ZMYND8: variants seen among roughly 807,000 people sequenced by gnomAD.
ZMYND8 encodes the protein zinc finger MYND-type containing 8.
Under a neutral mutation model 140.8 loss-of-function variants are expected in ZMYND8, and 37 were observed. That is an observed-to-expected ratio of 0.26 (90% confidence interval 0.20 to 0.35). The LOEUF is 0.35. Ranked by LOEUF, ZMYND8 falls within the 10% of genes least tolerant of loss-of-function variation. The pLI is 1.00. For synonymous variants in ZMYND8, 592 were observed against 597.1 expected (o/e 0.99, Z 0.12); for missense variants, 1,068 against 1,570.0 (o/e 0.68, Z 5.40).
chr20:47,288,596 G>A (rs1010789927), intron 7 of ZMYND8, among the ~76,000 whole-genome samples: 30 of 151,966 alleles, frequency 2.0e-4, no homozygotes, highest in Non-Finnish European at 4.0e-4. Flanking sequence ...GTTTCACCAT[G>A]TTGGCCAAGC....
intron 3 of ZMYND8, among the ~76,000 whole-genome samples, chr20:47,302,868 G>A (rs2148115430): frequency 6.6e-6 from 1 of 152,320 alleles, no homozygotes; most frequent in East Asian, 1.9e-4. Context: ...AAACCTGACA[G>A]AAGGGGACAG....
At chr20:47,343,677 A>G (rs1402566920) in intron 2 of ZMYND8, among the ~76,000 whole-genome samples, 2 of 152,132 alleles carry the variant, frequency 1.3e-5, no homozygotes, top group Non-Finnish European at 2.9e-5. Flanking sequence ...TGTTATTTTT[A>G]GTAGAGATGG....
At chr20:47,234,859 G>A (rs374496747) in intron 16 of ZMYND8, among the ~76,000 whole-genome samples, 1 of 152,130 alleles carries the variant, frequency 6.6e-6, no homozygotes, top group African/African-American at 2.4e-5. Context: ...TTAGAAACAG[G>A]CTGGGTGTGG....
intron 2 of ZMYND8, among the ~76,000 whole-genome samples, chr20:47,323,421 C>T (rs951306902): frequency 2.6e-5 from 4 of 151,834 alleles, no homozygotes; most frequent in African/African-American, 7.3e-5. Context: ...TTTTATTTTT[C>T]GTAGCGATGG....
Position 47,246,257 on chromosome 20 carries a change from C to A in ZMYND8, c.2035G>T (p.Asp679Tyr). 6.2e-7 allele frequency: 1 copy of A among 1,614,196 alleles called. No homozygotes were observed. Among genetic ancestry groups the A allele is most frequent in the Non-Finnish European group, 8.5e-7 (1 of 1,180,040 alleles). ...GCCTTGTCCTTGACTGCTCCAGGGTCTGCCTTCTCGCTGGCTGGTGACGTG... is the reference window on the plus strand; with the variant it reads ...GCCTTGTCCTTGACTGCTCCAGGGTATGCCTTCTCGCTGGCTGGTGACGTG... Reference protein sequence around the residue: ...KSTSPASEKADPGAVKDKASP... With the variant: ...KSTSPASEKAYPGAVKDKASP... Residue 679 changes from aspartate (D) to tyrosine (Y), a missense_variant, in exon 14 of 23, where the codon GAC becomes TAC. Around this residue, in one of 10 missense-constraint regions of ZMYND8, gnomAD observed 383 missense variants for 431.2 expected, o/e 0.89. Coordinates refer to ENST00000471951, the MANE Select transcript of ZMYND8 (RefSeq NM_001281775.3).
intron 1 of ZMYND8, chr20:47,348,215 C>T (rs966794308): frequency 1.9e-5 from 8 of 417,330 alleles, no homozygotes; most frequent in East Asian, 1.5e-4. Context: ...TACAACCTAC[C>T]CCTGTGGGCC....
intron 12 of ZMYND8, among the ~76,000 whole-genome samples, chr20:47,260,549 C>T (rs1018770621): frequency 2.6e-5 from 4 of 152,168 alleles, no homozygotes; most frequent in Non-Finnish European, 5.9e-5. Flanking sequence ...CTTTTTCCTC[C>T]TGACACTGGC....
chr20:47,336,861 C>T (rs2081422472), intron 2 of ZMYND8, among the ~76,000 whole-genome samples: 1 of 152,200 alleles, frequency 6.6e-6, no homozygotes, highest in Admixed American at 6.5e-5. Flanking sequence ...ACCCTCCCCA[C>T]TTTGGCACAC....
intron 2 of ZMYND8, among the ~76,000 whole-genome samples, chr20:47,315,214 T>C (rs1465769333): frequency 6.6e-6 from 1 of 152,210 alleles, no homozygotes; most frequent in Admixed American, 6.5e-5. Context: ...ACTGAGGTTC[T>C]GCTCAGCAAG....
At chr20:47,356,346 A>G (rs2083236328) in intron 1 of ZMYND8, 1 of 1,447,522 alleles carries the variant, frequency 6.9e-7, no homozygotes, top group Non-Finnish European at 9.1e-7. Context: ...AAAAAAAAAA[A>G]GAAGGAAAAA....
At chr20:47,256,261 C>T (rs187929069) in intron 12 of ZMYND8, among the ~76,000 whole-genome samples, 196 of 150,224 alleles carry the variant, frequency 1.3e-3, no homozygotes, top group African/African-American at 4.4e-3. Context: ...AGGAGGACTG[C>T]TTGAGGCCAG....
Position 47,227,196 on chromosome 20 carries a change from G to A in ZMYND8, c.3016+7C>T, listed in dbSNP as rs1173107121. 15 of 1,613,982 alleles carry A rather than the reference G, an allele frequency of 9.3e-6. No individual in the cohort carries two copies. Among genetic ancestry groups the A allele is most frequent in the Non-Finnish European group, 1.2e-5 (14 of 1,179,980 alleles). On this transcript the variant is annotated splice_region_variant and intron_variant, in intron 18 of 22. Coordinates refer to ENST00000471951, the MANE Select transcript of ZMYND8 (RefSeq NM_001281775.3). ...TCCTCAGTCCAGACCAGTGTGTCAG[G>A]CCTTACCTAAGTTGTGTTTCATTTC...
At chr20:47,293,271 T>A (rs1194267448) in intron 5 of ZMYND8, among the ~76,000 whole-genome samples, 9 of 151,148 alleles carry the variant, frequency 6.0e-5, no homozygotes, top group Non-Finnish European at 1.0e-4. Flanking sequence ...AAAATATTCA[T>A]CTATAGAAAA....
intron 2 of ZMYND8, among the ~76,000 whole-genome samples, chr20:47,331,810 C>CA (rs1408601084): frequency 6.6e-6 from 1 of 152,086 alleles, no homozygotes; most frequent in Non-Finnish European, 1.5e-5. Context: ...AAAGGCAACA[C>CA]AGAGTCTCCA....
At chr20:47,230,478 G>C (rs991322900) in intron 16 of ZMYND8, among the ~76,000 whole-genome samples, 1 of 151,874 alleles carries the variant, frequency 6.6e-6, no homozygotes, top group African/African-American at 2.4e-5. Context: ...ATTTTTAGTA[G>C]AGACGGGGTT....
intron 3 of ZMYND8, among the ~76,000 whole-genome samples, chr20:47,305,670 C>T (rs2078426528): frequency 6.6e-6 from 1 of 152,106 alleles, no homozygotes; most frequent in South Asian, 2.1e-4. Flanking sequence ...TATGCAGACA[C>T]CCTGTCCTCA....
At chr20:47,309,125 C>G (rs1054743162) in intron 3 of ZMYND8, among the ~76,000 whole-genome samples, 5 of 152,084 alleles carry the variant, frequency 3.3e-5, no homozygotes, top group African/African-American at 1.2e-4. Context: ...AATTCTAAAG[C>G]TAGAATGTCC....
At chr20:47,299,659 C>T (rs2077873922) in intron 3 of ZMYND8, among the ~76,000 whole-genome samples, 1 of 152,296 alleles carries the variant, frequency 6.6e-6, no homozygotes, top group Admixed American at 6.5e-5. Context: ...CTTGGCTCCA[C>T]TGCAACCTCT....
At chr20:47,268,453 C>T (rs544596039) in intron 11 of ZMYND8, among the ~76,000 whole-genome samples, 2 of 151,650 alleles carry the variant, frequency 1.3e-5, no homozygotes, top group East Asian at 2.0e-4. Flanking sequence ...GCCACCATGC[C>T]GGGCTAATTT....
Sources: allele counts gnomAD v4.1 joint callset (sites outside exome capture counted in the v4.1 genomes callset), GRCh38; gene constraint gnomAD v4.1.1; regional missense constraint gnomAD v4.1.1; transcripts MANE v1.5; gene names NCBI Gene and HGNC (gene_info 2026-07-23, HGNC 2026-07-21).